Variants in NFIL3 observed in about 807,000 individuals in gnomAD.
The protein encoded by NFIL3 is nuclear factor interleukin-3-regulated protein.
A neutral mutation model predicts 10.0 loss-of-function variants in NFIL3; 5 were observed. The observed-to-expected ratio is 0.50, with a 90% CI of 0.26 to 1.06. The LOEUF (loss-of-function observed/expected upper bound fraction) is 1.06. Among genes scored for constraint, NFIL3 ranks in the 50% least tolerant of loss-of-function variants. The pLI, the probability that NFIL3 is intolerant of heterozygous loss-of-function variation, is 0.13. For missense variants in NFIL3, 436 were observed against 547.6 expected (o/e 0.80, Z 2.03); for synonymous variants, 202 against 206.5 (o/e 0.98, Z 0.19).
the NFIL3 span, among the ~76,000 whole-genome samples, chr9:91,466,745 T>C: frequency 6.6e-6 from 1 of 152,172 alleles, no homozygotes; most frequent in African/African-American, 2.4e-5. Flanking sequence ...GTATTTATTC[T>C]GAGAATAAAC....
At chr9:91,457,020 A>G in the NFIL3 span, among the ~76,000 whole-genome samples, 1 of 152,102 alleles carries the variant, frequency 6.6e-6, no homozygotes, top group African/African-American at 2.4e-5. Flanking sequence ...TTGCACTTTT[A>G]TTAAAAGATA....
the NFIL3 span, among the ~76,000 whole-genome samples, chr9:91,449,325 T>A: frequency 6.6e-6 from 1 of 152,190 alleles, no homozygotes; most frequent in Non-Finnish European, 1.5e-5. Context: ...TAGAGTATAA[T>A]GTTAGCTGCG....
the NFIL3 span, among the ~76,000 whole-genome samples, chr9:91,463,360 C>T: frequency 6.6e-6 from 1 of 151,552 alleles, no homozygotes; most frequent in Admixed American, 6.6e-5. Flanking sequence ...ACTTTTGCTG[C>T]ATTCCACAAC....
At chr9:91,449,650 G>C in the NFIL3 span, among the ~76,000 whole-genome samples, 6 of 151,956 alleles carry the variant, frequency 3.9e-5, no homozygotes, top group Admixed American at 1.3e-4. Flanking sequence ...CATAAGGGAC[G>C]TTGGTCTGAA....
In NFIL3 at chr9:91,409,735, T is replaced by C. The variant is rs1833504050; in HGVS notation, c.1000A>G (p.Met334Val). The change falls in exon 2 of 2, where the codon ATG becomes GTG. Residue 334 changes from methionine to valine, a missense_variant. Coordinates refer to ENST00000297689, the MANE Select transcript of NFIL3 (RefSeq NM_005384.3). ...TCAAAGGCTTCTACTTTGATCTGCATGGCTTTGGCTTTGATCCGGAGCTTG... is the reference window on the plus strand; with the variant it reads ...TCAAAGGCTTCTACTTTGATCTGCACGGCTTTGGCTTTGATCCGGAGCTTG... The part of the protein sequence containing the change: ...PHKLRIKAKA[M>V]QIKVEAFDNE... The C allele has an allele frequency of 1.2e-6, 2 of 1,614,114 alleles. No homozygotes were observed. The highest frequency in any genetic ancestry group is 1.7e-6 in the Non-Finnish European group (2 of 1,180,048).
the NFIL3 span, among the ~76,000 whole-genome samples, chr9:91,467,320 C>A: frequency 6.6e-6 from 1 of 151,884 alleles, no homozygotes; most frequent in African/African-American, 2.4e-5. Context: ...AAACATACAT[C>A]TTTTCAGTTT....
upstream of NFIL3, among the ~76,000 whole-genome samples, chr9:91,425,468 C>T (rs1202125711): frequency 6.6e-6 from 1 of 152,178 alleles, no homozygotes; most frequent in Non-Finnish European, 1.5e-5. Context: ...TAGTACAGCT[C>T]TGCTGACAAG....
chr9:91,419,988 TTAGA>T (rs1054977328), intron 1 of NFIL3, among the ~76,000 whole-genome samples: 3 of 152,158 alleles, frequency 2.0e-5, no homozygotes, highest in Non-Finnish European at 1.5e-5. Flanking sequence ...CCACAAAGTT[TTAGA>T]TAGAGAAATC....
chr9:91,421,769 T>G (rs1160373693), intron 1 of NFIL3, among the ~76,000 whole-genome samples: 1 of 152,150 alleles, frequency 6.6e-6, no homozygotes, highest in Non-Finnish European at 1.5e-5. Flanking sequence ...CTGCAATTAT[T>G]TGGGGTAATA....
the NFIL3 span, among the ~76,000 whole-genome samples, chr9:91,479,397 C>T: frequency 4.6e-5 from 7 of 152,184 alleles, no homozygotes; most frequent in Admixed American, 1.3e-4. Flanking sequence ...TGCCGAGCTG[C>T]GGTGGGCTCC....
chr9:91,424,525 C>T (rs976018978), upstream of NFIL3, among the ~76,000 whole-genome samples: 2 of 152,172 alleles, frequency 1.3e-5, no homozygotes, highest in Non-Finnish European at 2.9e-5. Context: ...GGCTGCGCGG[C>T]GGAGGCAGCG....
At chr9:91,416,370 C>T (rs190707427) in intron 1 of NFIL3, among the ~76,000 whole-genome samples, 4 of 152,214 alleles carry the variant, frequency 2.6e-5, no homozygotes, top group South Asian at 2.1e-4. Context: ...AAGTAGTTTA[C>T]GATGCCTTCA....
chr9:91,463,726 T>C, the NFIL3 span, among the ~76,000 whole-genome samples: 1 of 152,176 alleles, frequency 6.6e-6, no homozygotes, highest in Non-Finnish European at 1.5e-5. Context: ...TGATTTTCTG[T>C]CAGCTCCATC....
chr9:91,466,213 C>T, the NFIL3 span, among the ~76,000 whole-genome samples: 16 of 152,148 alleles, frequency 1.1e-4, no homozygotes, highest in African/African-American at 3.1e-4. Context: ...CTTAATATTA[C>T]CATGCCCTGC....
chr9:91,421,264 G>C (rs953974050), intron 1 of NFIL3, among the ~76,000 whole-genome samples: 4 of 150,926 alleles, frequency 2.7e-5, no homozygotes, highest in African/African-American at 9.7e-5. Flanking sequence ...CTGGCTCCCT[G>C]GCTCCCGCGG....
chr9:91,451,410 T>C, the NFIL3 span, among the ~76,000 whole-genome samples: 1 of 152,214 alleles, frequency 6.6e-6, no homozygotes, highest in African/African-American at 2.4e-5. Flanking sequence ...TTTTGATTCT[T>C]ATCATAACTC....
rs759828961 is a variant in NFIL3, at chr9:91,410,671, C to G, written c.64G>C (p.Val22Leu). Reference sequence around the variant, plus strand: ...GAATTAAGGACCATCATCTTGTCCACATTGCTACTGGCATCAAGAGACGCC... The same window carrying G: ...GAATTAAGGACCATCATCTTGTCCAGATTGCTACTGGCATCAAGAGACGCC... ...EQASLDASSN[V>L]DKMMVLNSAL... The change falls in exon 2 of 2, where the codon GTG (valine) becomes CTG (leucine). Residue 22 changes from valine (V) to leucine (L), a missense_variant. Val to Leu is a conservative substitution (Grantham distance 32). Coordinates refer to ENST00000297689, the MANE Select transcript of NFIL3 (RefSeq NM_005384.3). The surrounding 1 kb of genome is among the most constrained non-coding windows in gnomAD (Gnocchi z 5.7). 1 of 1,613,034 alleles carries G rather than the reference C, an allele frequency of 6.2e-7. No individual in the cohort carries two copies. The highest frequency in any genetic ancestry group is 8.5e-7 in the Non-Finnish European group (1 of 1,179,744).
chr9:91,424,188 C>T (rs116491096), upstream of NFIL3, among the ~76,000 whole-genome samples: 625 of 152,194 alleles, frequency 4.1e-3, 2 homozygotes, highest in African/African-American at 0.014. Context: ...CCCCGTCCCA[C>T]CGCCCCGTCC....
the NFIL3 span, among the ~76,000 whole-genome samples, chr9:91,471,157 G>A: frequency 6.6e-6 from 1 of 152,138 alleles, no homozygotes; most frequent in Admixed American, 6.5e-5. Flanking sequence ...GGAAGTCTAA[G>A]TCTCTTTGTC....
Sources: allele counts gnomAD v4.1 joint callset (sites outside exome capture counted in the v4.1 genomes callset), GRCh38; gene constraint gnomAD v4.1.1; non-coding constraint Gnocchi (gnomAD v3.1); transcripts MANE v1.5; gene names NCBI Gene and HGNC (gene_info 2026-07-23, HGNC 2026-07-21).